The following BMAL2 variants were observed in gnomAD, a reference collection of about 807,000 sequenced individuals.
The protein encoded by BMAL2 is basic helix-loop-helix ARNT like 2, also known as basic helix-loop-helix ARNT-like protein 2.
chr12:27,400,432 G>A, the BMAL2 span: 3 of 994,112 alleles, frequency 3.0e-6, no homozygotes, highest in African/African-American at 1.6e-5. Flanking sequence ...TATTTAAAGA[G>A]CATTTTATAG....
chr12:27,339,434 A>G, the BMAL2 span, among the ~76,000 whole-genome samples: 1,465 of 152,256 alleles, frequency 9.6e-3, 13 homozygotes, highest in Middle Eastern at 0.02. Flanking sequence ...ATGCATCTTT[A>G]TAATAGAACA....
At chr12:27,387,601 A>G in the BMAL2 span, among the ~76,000 whole-genome samples, 1 of 152,206 alleles carries the variant, frequency 6.6e-6, no homozygotes, top group African/African-American at 2.4e-5. Context: ...TCAAGATGTA[A>G]AGACTAAATG....
chr12:27,369,299 T>TGGG, the BMAL2 span, among the ~76,000 whole-genome samples: 7 of 150,904 alleles, frequency 4.6e-5, no homozygotes, highest in African/African-American at 7.3e-5. Context: ...TCTTTTTTGG[T>TGGG]GGGGGGGGTG....
the BMAL2 span, chr12:27,333,079 G>A: frequency 2.2e-5 from 26 of 1,205,064 alleles, no homozygotes; most frequent in East Asian, 4.1e-4. Context: ...TGCGATGGCG[G>A]CGGAAGAGGA....
At chr12:27,393,633 A>G in the BMAL2 span, among the ~76,000 whole-genome samples, 1 of 152,176 alleles carries the variant, frequency 6.6e-6, no homozygotes, top group Non-Finnish European at 1.5e-5. Flanking sequence ...ATCCCTGCAC[A>G]TTGGCTGTGC....
At chr12:27,370,015 T>A in the BMAL2 span, 1 of 723,608 alleles carries the variant, frequency 1.4e-6, no homozygotes, top group Non-Finnish European at 2.4e-6. Flanking sequence ...TCACCCAGCT[T>A]CCTATCACTG....
At chr12:27,381,001 T>C in the BMAL2 span, among the ~76,000 whole-genome samples, 1 of 151,708 alleles carries the variant, frequency 6.6e-6, no homozygotes, top group Admixed American at 6.6e-5. Context: ...AGTTCTGAAG[T>C]ATAGTATTAA....
the BMAL2 span, among the ~76,000 whole-genome samples, chr12:27,374,481 C>G: frequency 6.6e-6 from 1 of 152,182 alleles, no homozygotes; most frequent in South Asian, 2.1e-4. Flanking sequence ...GTTTTGGTAT[C>G]TGCAGAAGGC....
At chr12:27,373,591 G>A in the BMAL2 span, among the ~76,000 whole-genome samples, 1,284 of 152,252 alleles carry the variant, frequency 8.4e-3, 14 homozygotes, top group African/African-American at 0.029. Flanking sequence ...TACAAGATGA[G>A]GGGAAGCCTG....
the BMAL2 span, among the ~76,000 whole-genome samples, chr12:27,380,842 C>T: frequency 6.6e-6 from 1 of 151,384 alleles, no homozygotes; most frequent in African/African-American, 2.4e-5. Context: ...AAAAATTAGC[C>T]AAGTGTGGTC....
the BMAL2 span, among the ~76,000 whole-genome samples, chr12:27,349,270 C>G: frequency 2.6e-5 from 4 of 152,134 alleles, no homozygotes; most frequent in Admixed American, 6.5e-5. Context: ...ACAAAATAAC[C>G]AAACCTGTTG....
the BMAL2 span, among the ~76,000 whole-genome samples, chr12:27,358,047 G>C: frequency 2.0e-5 from 3 of 151,574 alleles, no homozygotes; most frequent in Non-Finnish European, 4.4e-5. Flanking sequence ...TTTATAAATA[G>C]ATGAGACTTA....
At chr12:27,397,501 T>A in the BMAL2 span, among the ~76,000 whole-genome samples, 1 of 152,246 alleles carries the variant, frequency 6.6e-6, no homozygotes, top group Non-Finnish European at 1.5e-5. Flanking sequence ...CAGCCCTTTT[T>A]ATTTTAATTG....
chr12:27,349,797 A>C, the BMAL2 span, among the ~76,000 whole-genome samples: 1 of 152,190 alleles, frequency 6.6e-6, no homozygotes, highest in African/African-American at 2.4e-5. Flanking sequence ...ATTACAGATG[A>C]GGAAATGACC....
chr12:27,368,228 A>C, the BMAL2 span: 1 of 1,608,230 alleles, frequency 6.2e-7, no homozygotes, highest in Non-Finnish European at 8.5e-7. Context: ...TTAATGTTTA[A>C]AATAAATGTC....
chr12:27,421,789 A>C, the BMAL2 span: 1 of 152,214 alleles, frequency 6.6e-6, no homozygotes, highest in African/African-American at 2.4e-5. Flanking sequence ...ATTCAGTCAC[A>C]CATTAAATTC....
chr12:27,387,574 A>G, the BMAL2 span, among the ~76,000 whole-genome samples: 1 of 152,186 alleles, frequency 6.6e-6, no homozygotes, highest in South Asian at 2.1e-4. Context: ...AAAAGTCAAA[A>G]TGATTATACC....
At chr12:27,340,589 CT>C in the BMAL2 span, among the ~76,000 whole-genome samples, 1 of 150,940 alleles carries the variant, frequency 6.6e-6, no homozygotes, top group African/African-American at 2.4e-5. Flanking sequence ...GCTATTCGGG[CT>C]TTTTTTTTGG....
the BMAL2 span, among the ~76,000 whole-genome samples, chr12:27,381,194 T>A: frequency 2.0e-5 from 3 of 152,164 alleles, no homozygotes; most frequent in African/African-American, 7.2e-5. Flanking sequence ...TGCCTCTTGG[T>A]GTGTGGGTGA....
Sources: gnomAD v4.1 joint callset for allele counts (sites outside exome capture counted in the v4.1 genomes callset) on GRCh38, gnomAD v4.1.1 for gene constraint, MANE v1.5 for transcripts, NCBI Gene and HGNC (gene_info 2026-07-23, HGNC 2026-07-21) for gene names.